CAMK1D: variants seen among roughly 807,000 people sequenced by gnomAD.
CAMK1D encodes the protein calcium/calmodulin-dependent protein kinase type 1D.
Under a neutral mutation model 47.7 loss-of-function variants are expected in CAMK1D, and 9 were observed. The ratio of observed to expected loss-of-function variants is 0.19; its 90% CI spans 0.11 to 0.33. The LOEUF is 0.33. Among genes scored for constraint, CAMK1D ranks in the 10% least tolerant of loss-of-function variants. The pLI is 1.00. For synonymous variants in CAMK1D, 184 were observed against 184.9 expected, an observed-to-expected ratio of 0.99 and a Z score of 0.04; for missense variants, 291 against 488.7, an observed-to-expected ratio of 0.60 and a Z score of 3.81.
At chr10:12,566,876 C>G (rs938246928) in intron 2 of CAMK1D, among the ~76,000 whole-genome samples, 1 of 152,168 alleles carries the variant, frequency 6.6e-6, no homozygotes, top group South Asian at 2.1e-4. Context: ...CAATTAGATG[C>G]GCTGTTCTTT....
intron 4 of CAMK1D, among the ~76,000 whole-genome samples, chr10:12,761,370 CCTAT>C (rs1217799031): frequency 1.3e-5 from 2 of 152,122 alleles, no homozygotes; most frequent in Non-Finnish European, 2.9e-5. Flanking sequence ...TTGCTTCGAG[CCTAT>C]CTAAGAGACG....
chr10:12,518,494 A>ATTTTTTTTTTTTTT, intron 1 of CAMK1D, among the ~76,000 whole-genome samples: 1 of 32,254 alleles, frequency 3.1e-5, no homozygotes, highest in East Asian at 7.3e-4. Context: ...TTTATTTTTT[A>ATTTTTTTTTTTTTT]TTTTTTTTTT....
chr10:12,625,021 CCTTTCTTCTTCTT>C (rs1839164808), intron 2 of CAMK1D, among the ~76,000 whole-genome samples: 1 of 146,726 alleles, frequency 6.8e-6, no homozygotes, highest in Admixed American at 6.8e-5. Flanking sequence ...TCCTCCTCCT[CCTTTCTTCTTCTT>C]CTTTCGAAAC....
intron 1 of CAMK1D, among the ~76,000 whole-genome samples, chr10:12,363,486 C>T (rs1189767685): frequency 6.6e-6 from 1 of 152,026 alleles, no homozygotes; most frequent in East Asian, 1.9e-4. Flanking sequence ...AACTCCTGAC[C>T]TCTGGTGATC....
intron 2 of CAMK1D, among the ~76,000 whole-genome samples, chr10:12,593,268 A>C (rs1052215865): frequency 1.3e-5 from 2 of 152,158 alleles, no homozygotes; most frequent in Admixed American, 1.3e-4. Flanking sequence ...ATGATGATCA[A>C]TCTCCCTCTG....
chr10:12,351,117 C>G (rs979055498), intron 1 of CAMK1D, among the ~76,000 whole-genome samples: 3 of 152,134 alleles, frequency 2.0e-5, no homozygotes, highest in African/African-American at 7.2e-5. Flanking sequence ...CTCACCCCCA[C>G]GCAGATCTGC....
At chr10:12,824,613 A>G in intron 9 of CAMK1D, 61 bp downstream of exon 9, 4 of 1,324,108 alleles carry the variant, frequency 3.0e-6, no homozygotes, top group Middle Eastern at 1.8e-4. Flanking sequence ...TGGCCCTCCA[A>G]TCTGAGCATT....
rs187994644 is a variant in CAMK1D, at chr10:12,806,759, A to C, written c.642-7436A>C. Among the ~76,000 whole-genome samples the C allele has an allele frequency of 3.5e-3, 533 of 152,294 alleles. 1 individual carries two copies. The highest frequency in any genetic ancestry group is 6.8e-3 in the Middle Eastern group (2 of 294). On this transcript the variant is annotated intron_variant, in intron 6 of 10. Coordinates refer to ENST00000619168, the MANE Select transcript of CAMK1D (RefSeq NM_153498.4). The stretch of plus-strand genomic sequence containing the variant: ...CATGCCAGGGGCTTGCTGGCACACA[A>C]AAAGAAGTGGATAAACTAGCTGTTC...
At chr10:12,489,616 G>A (rs1351698041) in intron 1 of CAMK1D, among the ~76,000 whole-genome samples, 1 of 152,172 alleles carries the variant, frequency 6.6e-6, no homozygotes, top group East Asian at 1.9e-4. Flanking sequence ...TTTTCTCCCT[G>A]CTTACTTCTG....
chr10:12,817,395 C>A (rs1361871232), intron 8 of CAMK1D, among the ~76,000 whole-genome samples: 1 of 152,134 alleles, frequency 6.6e-6, no homozygotes, highest in Non-Finnish European at 1.5e-5. Flanking sequence ...ATTTGTGTTT[C>A]TTCAACTCGA....
At chr10:12,615,689 G>A (rs562884350) in intron 2 of CAMK1D, among the ~76,000 whole-genome samples, 1 of 145,592 alleles carries the variant, frequency 6.9e-6, no homozygotes, top group Non-Finnish European at 1.5e-5. Flanking sequence ...ATAGGTGTGT[G>A]TGGTTTGTAG....
At position 12,812,675 on chromosome 10, in the gene CAMK1D, C is replaced by T. The variant is rs2493754; in HGVS notation, c.642-1520C>T. Among the ~76,000 whole-genome samples, 326 of 152,266 alleles carry T rather than the reference C, an allele frequency of 2.1e-3. 1 individual carries two copies. Among genetic ancestry groups the T allele is most frequent in the African/African-American group, 7.5e-3 (310 of 41,538 alleles). On this transcript the variant is annotated intron_variant, in intron 6 of 10. Coordinates refer to ENST00000619168, the MANE Select transcript of CAMK1D (RefSeq NM_153498.4). Reference sequence around the variant, plus strand: ...GCTGCCACCCTCTGGGTTGTCGCAGCCCGAGAAGCAAGTTCTGCACCACGC... The same window carrying T: ...GCTGCCACCCTCTGGGTTGTCGCAGTCCGAGAAGCAAGTTCTGCACCACGC...
intron 3 of CAMK1D, among the ~76,000 whole-genome samples, chr10:12,669,707 C>T (rs1043814754): frequency 6.6e-6 from 1 of 152,164 alleles, no homozygotes; most frequent in Admixed American, 6.5e-5. Flanking sequence ...ATTCATGACC[C>T]TAGTCAACCA....
intron 1 of CAMK1D, among the ~76,000 whole-genome samples, chr10:12,459,315 G>C (rs1228017592): frequency 6.6e-6 from 1 of 152,232 alleles, no homozygotes; most frequent in African/African-American, 2.4e-5. Context: ...TAAATAAAAA[G>C]TGGATTTGAT....
At chr10:12,419,831 C>T (rs768394171) in intron 1 of CAMK1D, among the ~76,000 whole-genome samples, 2 of 152,102 alleles carry the variant, frequency 1.3e-5, no homozygotes, top group African/African-American at 2.4e-5. Flanking sequence ...AGAAACATGA[C>T]TCTGGGTGGA....
At chr10:12,738,153 T>G (rs1835265504) in intron 3 of CAMK1D, among the ~76,000 whole-genome samples, 1 of 152,128 alleles carries the variant, frequency 6.6e-6, no homozygotes, top group Non-Finnish European at 1.5e-5. Context: ...AAAATATAAT[T>G]AAAAGATAAA....
At chr10:12,443,998 C>G (rs1426658137) in intron 1 of CAMK1D, among the ~76,000 whole-genome samples, 1 of 152,176 alleles carries the variant, frequency 6.6e-6, no homozygotes, top group East Asian at 1.9e-4. Flanking sequence ...CATGCCCCCC[C>G]TTTTTAGACC....
rs74498414 is a variant in CAMK1D, at chr10:12,652,716, A to C, written c.225-14020A>C. 3.9e-3 allele frequency among the ~76,000 whole-genome samples: 594 copies of C among 152,370 alleles called. 7 individuals carry two copies. The highest frequency in any genetic ancestry group is 0.013 in the African/African-American group (548 of 41,592). Reference sequence around the variant, plus strand: ...TTACACTAGGAAGTTTCTTGAGTTGACATCCTTGATCATAGTCTTTTATTA... The same window carrying C: ...TTACACTAGGAAGTTTCTTGAGTTGCCATCCTTGATCATAGTCTTTTATTA... On this transcript the variant is annotated intron_variant, in intron 2 of 10. Coordinates refer to ENST00000619168, the MANE Select transcript of CAMK1D (RefSeq NM_153498.4).
chr10:12,607,667 G>A (rs1391415140), intron 2 of CAMK1D, among the ~76,000 whole-genome samples: 2 of 152,170 alleles, frequency 1.3e-5, no homozygotes, highest in African/African-American at 4.8e-5. Context: ...TTTGATTTTA[G>A]AACTAATAGG....
Sources: allele counts gnomAD v4.1 joint callset (sites outside exome capture counted in the v4.1 genomes callset), GRCh38; gene constraint gnomAD v4.1.1; transcripts MANE v1.5; gene names NCBI Gene and HGNC (gene_info 2026-07-23, HGNC 2026-07-21).